Variants in CALCR observed in about 807,000 individuals in gnomAD.
CALCR encodes the protein calcitonin receptor.
CALCR carries 47 observed loss-of-function variants against 59.5 expected under a neutral mutation model. The observed-to-expected ratio is 0.79, with a 90% confidence interval of 0.63 to 1.01. The LOEUF is 1.01. CALCR is among the 50% of genes least tolerant of loss of function. The probability of loss-of-function intolerance (pLI) is 0.00; values close to 1 mark genes in which losing one functional copy is unlikely to be tolerated. For synonymous variants in CALCR, 213 were observed against 211.3 expected (o/e 1.01, Z -0.07); for missense variants, 566 against 597.1 (o/e 0.95, Z 0.54).
chr7:93,449,412 T>C (rs1329684817), intron 8 of CALCR, among the ~76,000 whole-genome samples: 1 of 152,092 alleles, frequency 6.6e-6, no homozygotes, highest in Non-Finnish European at 1.5e-5. Context: ...TATTAAGTTT[T>C]ATTTAATGTA....
chr7:93,447,247 C>T (rs1800023328), intron 8 of CALCR, among the ~76,000 whole-genome samples: 1 of 151,998 alleles, frequency 6.6e-6, no homozygotes, highest in South Asian at 2.1e-4. Flanking sequence ...CACAGGTTTT[C>T]CTTAGTCTAA....
intron 3 of CALCR, among the ~76,000 whole-genome samples, chr7:93,482,081 T>C (rs1402013707): frequency 3.3e-5 from 5 of 151,906 alleles, no homozygotes; most frequent in African/African-American, 1.2e-4. Flanking sequence ...TCATCAGTCA[T>C]AAAATTCTTA....
chr7:93,539,765 A>G (rs769673740), intron 2 of CALCR, among the ~76,000 whole-genome samples: 4 of 152,188 alleles, frequency 2.6e-5, no homozygotes, highest in African/African-American at 9.7e-5. Context: ...TGGAAAGAGC[A>G]TGGTGTGCCC....
At chr7:93,461,707 T>G (rs1800340486) in intron 7 of CALCR, among the ~76,000 whole-genome samples, 1 of 152,172 alleles carries the variant, frequency 6.6e-6, no homozygotes, top group South Asian at 2.1e-4. Flanking sequence ...GCTTTTATTC[T>G]TTTCTCTCCA....
chr7:93,507,782 G>C (rs1801457563), intron 2 of CALCR, among the ~76,000 whole-genome samples: 1 of 150,792 alleles, frequency 6.6e-6, no homozygotes, highest in Non-Finnish European at 1.5e-5. Flanking sequence ...ATTTAGCCAG[G>C]CATGGTGGCG....
Position 93,479,410 on chromosome 7 carries a change from T to C in CALCR, c.149A>G (p.Asp50Gly), listed in dbSNP as rs201946167. ...LYVVGRKKMM[D>G]AQYKCYDRMQ... ...TCGGTCATAGCATTTGTACTGTGCA[T>C]CCATCATCTTCTTTCGTCCTACGAC... The change falls in exon 4 of 14, where the codon GAT becomes GGT. Residue 50 changes from aspartate to glycine, a missense_variant. Asp to Gly is a moderately conservative substitution (Grantham distance 94). Coordinates refer to ENST00000426151, the MANE Select transcript of CALCR (RefSeq NM_001742.4). 1.2e-4 allele frequency: 186 copies of C among 1,612,534 alleles called. No homozygotes were observed. The highest frequency in any genetic ancestry group is 2.0e-5 in the Non-Finnish European group (24 of 1,179,078).
At chr7:93,509,941 A>G (rs546774343) in intron 2 of CALCR, among the ~76,000 whole-genome samples, 2 of 152,218 alleles carry the variant, frequency 1.3e-5, no homozygotes, top group South Asian at 4.2e-4. Context: ...CCCTCCAATC[A>G]AGTTAGTTGG....
intron 5 of CALCR, among the ~76,000 whole-genome samples, chr7:93,475,271 T>C (rs1800643393): frequency 6.6e-6 from 1 of 151,940 alleles, no homozygotes; most frequent in East Asian, 1.9e-4. Flanking sequence ...ATTAGAATCA[T>C]TACTGCTTCA....
At chr7:93,443,499 G>T in intron 9 of CALCR, 105 bp downstream of exon 9, 1 of 1,058,680 alleles carries the variant, frequency 9.4e-7, no homozygotes, top group Non-Finnish European at 1.4e-6. Context: ...TTCCTTGAAG[G>T]ACCTGGGACT....
intron 2 of CALCR, among the ~76,000 whole-genome samples, chr7:93,541,355 A>G (rs1789133086): frequency 6.6e-6 from 1 of 151,930 alleles, no homozygotes; most frequent in South Asian, 2.1e-4. Context: ...TTGTATTTTC[A>G]TTAGAGATGC....
chr7:93,459,324 C>T (rs957475674), intron 8 of CALCR, among the ~76,000 whole-genome samples: 4 of 152,170 alleles, frequency 2.6e-5, no homozygotes, highest in Admixed American at 2.6e-4. Context: ...AATTTGAGTG[C>T]CTGCTCCCCG....
chr7:93,541,433 G>C (rs973619383), intron 2 of CALCR, among the ~76,000 whole-genome samples: 1 of 152,006 alleles, frequency 6.6e-6, no homozygotes, highest in Non-Finnish European at 1.5e-5. Context: ...AAAGTGCTGG[G>C]ATTACAGGAG....
At chr7:93,521,005 G>C (rs541667718) in intron 2 of CALCR, among the ~76,000 whole-genome samples, 1 of 152,214 alleles carries the variant, frequency 6.6e-6, no homozygotes, top group African/African-American at 2.4e-5. Context: ...TAAAACATTT[G>C]GTGTTTCTCA....
intron 2 of CALCR, among the ~76,000 whole-genome samples, chr7:93,522,938 C>T (rs1801795306): frequency 6.6e-6 from 1 of 152,100 alleles, no homozygotes; most frequent in South Asian, 2.1e-4. Flanking sequence ...CTTATTACTT[C>T]CTGCTTTTTT....
At chr7:93,480,821 G>C (rs141095297) in intron 3 of CALCR, among the ~76,000 whole-genome samples, 3,026 of 151,886 alleles carry the variant, frequency 0.02, 118 homozygotes, top group African/African-American at 0.069. Flanking sequence ...GGCACAAGGG[G>C]GGGTCGAGAA....
At chr7:93,509,549 A>G (rs932729466) in intron 2 of CALCR, among the ~76,000 whole-genome samples, 2 of 152,150 alleles carry the variant, frequency 1.3e-5, no homozygotes, top group African/African-American at 4.8e-5. Flanking sequence ...CTAGAGGCCA[A>G]CTGCTTTCAA....
intron 2 of CALCR, among the ~76,000 whole-genome samples, chr7:93,543,435 G>A (rs1284673141): frequency 1.3e-5 from 2 of 152,092 alleles, no homozygotes; most frequent in Non-Finnish European, 1.5e-5. Flanking sequence ...ATGAGTCACC[G>A]TGCGTGGCCT....
chr7:93,511,830 AG>A (rs1029617463), intron 2 of CALCR, among the ~76,000 whole-genome samples: 2 of 152,200 alleles, frequency 1.3e-5, no homozygotes, highest in Non-Finnish European at 2.9e-5. Context: ...GCAATGAAAA[AG>A]TCCTATATCT....
At chr7:93,471,488 A>G (rs1300293811) in intron 6 of CALCR, among the ~76,000 whole-genome samples, 2 of 151,882 alleles carry the variant, frequency 1.3e-5, no homozygotes, top group Non-Finnish European at 2.9e-5. Context: ...GTTTTTAATA[A>G]AAGAAAACTT....
Sources: allele counts gnomAD v4.1 joint callset (sites outside exome capture counted in the v4.1 genomes callset), GRCh38; gene constraint gnomAD v4.1.1; transcripts MANE v1.5; gene names NCBI Gene and HGNC (gene_info 2026-07-23, HGNC 2026-07-21).